The following TTPA variants were observed in gnomAD, a reference collection of about 807,000 sequenced individuals.
TTPA encodes alpha-tocopherol transfer protein.
A neutral mutation model predicts 25.9 loss-of-function variants in TTPA; 23 were observed. The ratio of observed to expected loss-of-function variants is 0.89; its 90% confidence interval spans 0.64 to 1.26. TTPA has a LOEUF of 1.26. Ranked by LOEUF, TTPA falls within the 50% of genes most tolerant of loss-of-function variation. The pLI is 0.00. For synonymous variants in TTPA, 148 were observed against 137.3 expected (o/e 1.08, Z -0.54); for missense variants, 337 against 353.1 (o/e 0.95, Z 0.37).
chr8:63,062,702 CT>C (rs1368632859), intron 4 of TTPA, among the ~76,000 whole-genome samples: 1 of 152,186 alleles, frequency 6.6e-6, no homozygotes, highest in Non-Finnish European at 1.5e-5. Context: ...CACTGACATC[CT>C]TCCCCTAACT....
At chr8:63,078,944 CG>C (rs1805615863) in intron 1 of TTPA, among the ~76,000 whole-genome samples, 1 of 152,190 alleles carries the variant, frequency 6.6e-6, no homozygotes, top group Non-Finnish European at 1.5e-5. Flanking sequence ...AGAGAAAAGT[CG>C]GGTTACCCAC....
intron 1 of TTPA, among the ~76,000 whole-genome samples, chr8:63,080,734 A>C (rs1219978509): frequency 7.6e-6 from 1 of 132,076 alleles, no homozygotes; most frequent in Non-Finnish European, 1.6e-5. Context: ...AAAAAAAAAA[A>C]ATAAATAATA....
chr8:63,075,586 G>C (rs867446168), intron 1 of TTPA, among the ~76,000 whole-genome samples: 1 of 151,278 alleles, frequency 6.6e-6, no homozygotes, highest in Non-Finnish European at 1.5e-5. Flanking sequence ...GTGGTGGTGC[G>C]TGCTCAGGAG....
intron 1 of TTPA, 60 bp from the exon 2 acceptor site, chr8:63,073,148 T>C (rs553748670): frequency 7.2e-7 from 1 of 1,385,512 alleles, no homozygotes; most frequent in African/African-American, 1.4e-5. Flanking sequence ...TTTGTAAAAA[T>C]GGAAGAAAAG....
intron 1 of TTPA, among the ~76,000 whole-genome samples, chr8:63,076,342 T>C (rs552427607): frequency 6.6e-6 from 1 of 152,318 alleles, no homozygotes; most frequent in African/African-American, 2.4e-5. Flanking sequence ...GAGGCACTTA[T>C]CAAGCTTTCT....
chr8:63,079,902 T>C (rs1208867807), intron 1 of TTPA, among the ~76,000 whole-genome samples: 2 of 152,128 alleles, frequency 1.3e-5, no homozygotes, highest in Admixed American at 6.6e-5. Context: ...CATTCTAAAA[T>C]TGACCACATA....
downstream of TTPA, among the ~76,000 whole-genome samples, chr8:63,059,030 T>TTG (rs1805249463): frequency 8.1e-6 from 1 of 123,134 alleles, no homozygotes; most frequent in Admixed American, 8.2e-5. Context: ...GTTTTTTTTT[T>TTG]TTTTTTTTTT....
chr8:63,061,131 A>G lies in TTPA; in HGVS notation c.*121T>C, dbSNP rs566101250. ...GTTGCTCATGTCAGAAGATTTCTACATTTTTAAAGTTCAGGCAAGCATTAG... is the reference window on the plus strand; with the variant it reads ...GTTGCTCATGTCAGAAGATTTCTACGTTTTTAAAGTTCAGGCAAGCATTAG... On this transcript the variant is annotated 3_prime_UTR_variant, in exon 5 of 5. Transcript: ENST00000260116. 11 of 1,068,002 alleles carry G rather than the reference A, an allele frequency of 1.0e-5. No individual in the cohort carries two copies. The East Asian group carries it at 1.3e-4, about 12-fold the overall frequency. The allele number at this position is 1,068,002 out of a possible 1,614,324, so 66.2% of individuals were successfully genotyped here.
At chr8:63,078,894 C>A (rs896331949) in intron 1 of TTPA, among the ~76,000 whole-genome samples, 1 of 152,042 alleles carries the variant, frequency 6.6e-6, no homozygotes, top group Non-Finnish European at 1.5e-5. Context: ...GTCAGATTCA[C>A]CAAGGTTGAA....
chr8:63,070,442 C>A (rs1248441154), intron 2 of TTPA, among the ~76,000 whole-genome samples: 1 of 152,088 alleles, frequency 6.6e-6, no homozygotes, highest in East Asian at 1.9e-4. Flanking sequence ...TTCTTTAGCT[C>A]CTCCCATTAA....
chr8:63,076,367 T>C (rs1287299993), intron 1 of TTPA, among the ~76,000 whole-genome samples: 1 of 152,192 alleles, frequency 6.6e-6, no homozygotes, highest in African/African-American at 2.4e-5. Context: ...ACAAAAACTA[T>C]AGGGCTTCTA....
In TTPA at chr8:63,061,428, G is replaced by GA; in HGVS notation, c.664-4dup. On this transcript the variant is annotated splice_region_variant and splice_polypyrimidine_tract_variant and intron_variant, in intron 4 of 4. Coordinates refer to ENST00000260116, the MANE Select transcript of TTPA (RefSeq NM_000370.3). ...TAGTTGTTCCCATGCATGTGAATCT[G>GA]AAATAGCCAAAACACTTTAGAAGGA... The GA allele has an allele frequency of 6.2e-7, 1 of 1,613,794 alleles. No homozygotes were observed. The highest frequency in any genetic ancestry group is 1.3e-5 in the African/African-American group (1 of 75,038).
rs1436245916 is a variant in TTPA, at chr8:63,060,038, G to C, written c.*1214C>G. On this transcript the variant is annotated 3_prime_UTR_variant, in exon 5 of 5. Coordinates refer to ENST00000260116, the MANE Select transcript of TTPA (RefSeq NM_000370.3). ...TAAGTTAATATAAATTGCAGGATTT[G>C]ATTAAAATATTCTGATACAATAGTC... 6.6e-6 allele frequency: 1 copy of C among 151,988 alleles called. No individual in the cohort carries two copies. Among genetic ancestry groups the C allele is most frequent in the African/African-American group, 2.4e-5 (1 of 41,366 alleles). The allele number at this position is 151,988 out of a possible 1,614,324, so 9.4% of individuals were successfully genotyped here.
intron 2 of TTPA, among the ~76,000 whole-genome samples, chr8:63,072,657 G>A (rs1193937680): frequency 6.6e-6 from 1 of 152,052 alleles, no homozygotes; most frequent in East Asian, 1.9e-4. Context: ...TTGTACAGTT[G>A]ACTGTGTGGA....
intron 1 of TTPA, among the ~76,000 whole-genome samples, chr8:63,074,464 T>G (rs987301487): frequency 1.3e-5 from 2 of 152,200 alleles, no homozygotes; most frequent in Non-Finnish European, 2.9e-5. Flanking sequence ...AAAGAGAGAA[T>G]GTTGCTAAGA....
At chr8:63,074,209 G>C (rs578140919) in intron 1 of TTPA, among the ~76,000 whole-genome samples, 1 of 152,178 alleles carries the variant, frequency 6.6e-6, no homozygotes, top group South Asian at 2.1e-4. Context: ...AACTACAAAC[G>C]ACAAAAACTA....
intron 1 of TTPA, among the ~76,000 whole-genome samples, chr8:63,076,275 T>A (rs1037177258): frequency 6.6e-6 from 1 of 152,058 alleles, no homozygotes; most frequent in African/African-American, 2.4e-5. Flanking sequence ...AAAACCTTAT[T>A]AATTCATCAT....
chr8:63,071,800 C>T (rs1805487942), intron 2 of TTPA, among the ~76,000 whole-genome samples: 1 of 152,104 alleles, frequency 6.6e-6, no homozygotes, highest in South Asian at 2.1e-4. Context: ...AGGTAGCAGG[C>T]CCTCACCAAA....
chr8:63,077,942 ACT>A (rs1805590330), intron 1 of TTPA, among the ~76,000 whole-genome samples: 1 of 152,124 alleles, frequency 6.6e-6, no homozygotes, highest in African/African-American at 2.4e-5. Flanking sequence ...GGCAGGTGAC[ACT>A]CTGGGACGAA....
Sources: allele counts gnomAD v4.1 joint callset (sites outside exome capture counted in the v4.1 genomes callset), GRCh38; gene constraint gnomAD v4.1.1; transcripts MANE v1.5; gene names NCBI Gene and HGNC (gene_info 2026-07-23, HGNC 2026-07-21).